THSD7A: variants seen among roughly 807,000 people sequenced by gnomAD.
THSD7A encodes thrombospondin type 1 domain containing 7A.
A neutral mutation model predicts 231.3 loss-of-function variants in THSD7A; 96 were observed. The observed-to-expected ratio is 0.41, with a 90% CI of 0.35 to 0.49. The LOEUF is 0.49. Among genes scored for constraint, THSD7A ranks in the 20% least tolerant of loss-of-function variants. The probability of loss-of-function intolerance (pLI) is 0.05; values close to 1 mark genes in which losing one functional copy is unlikely to be tolerated. For synonymous variants in THSD7A, 940 were observed against 743.3 expected (o/e 1.26, Z -4.30); for missense variants, 2,290 against 2,070.2 (o/e 1.11, Z -2.06).
intron 4 of THSD7A, among the ~76,000 whole-genome samples, chr7:11,549,426 G>A (rs1789533171): frequency 6.6e-6 from 1 of 152,038 alleles, no homozygotes; most frequent in African/African-American, 2.4e-5. Flanking sequence ...TCCCTTTACT[G>A]GGTATATACC....
chr7:11,763,144 C>T (rs372255006), intron 1 of THSD7A, among the ~76,000 whole-genome samples: 1 of 152,104 alleles, frequency 6.6e-6, no homozygotes, highest in Non-Finnish European at 1.5e-5. Flanking sequence ...AAGGCCATTC[C>T]AAATTGTTTT....
At chr7:11,789,306 A>G (rs1783880379) in intron 1 of THSD7A, among the ~76,000 whole-genome samples, 1 of 151,980 alleles carries the variant, frequency 6.6e-6, no homozygotes. Context: ...TTATGCTTTT[A>G]TTATGCTTTT....
At chr7:11,606,241 C>G (rs1780728242) in intron 2 of THSD7A, among the ~76,000 whole-genome samples, 1 of 152,130 alleles carries the variant, frequency 6.6e-6, no homozygotes, top group Admixed American at 6.6e-5. Flanking sequence ...TTGAATTCTA[C>G]TTTGAGTGGC....
intron 1 of THSD7A, among the ~76,000 whole-genome samples, chr7:11,816,437 T>C (rs1320485486): frequency 2.0e-5 from 3 of 152,224 alleles, no homozygotes; most frequent in Non-Finnish European, 4.4e-5. Flanking sequence ...TATTCACAAG[T>C]AATGTTTTAG....
At chr7:11,748,596 T>G (rs1312046086) in intron 1 of THSD7A, among the ~76,000 whole-genome samples, 1 of 151,912 alleles carries the variant, frequency 6.6e-6, no homozygotes, top group Admixed American at 6.6e-5. Flanking sequence ...AGAGACATCA[T>G]GAAAAGTCAC....
chr7:11,545,232 A>G (rs1789329667), intron 4 of THSD7A, among the ~76,000 whole-genome samples: 1 of 152,070 alleles, frequency 6.6e-6, no homozygotes, highest in Non-Finnish European at 1.5e-5. Context: ...AGACCTTAAA[A>G]TCTCCATTTT....
chr7:11,807,685 G>A (rs1040586625), intron 1 of THSD7A, among the ~76,000 whole-genome samples: 10 of 152,048 alleles, frequency 6.6e-5, no homozygotes, highest in African/African-American at 2.4e-4. Flanking sequence ...TGAAATTAAT[G>A]CAGTATACTT....
At chr7:11,519,965 G>A (rs1195343364) in intron 6 of THSD7A, 1 of 152,020 alleles carries the variant, frequency 6.6e-6, no homozygotes, top group African/African-American at 2.4e-5. Context: ...CAGAATGCAT[G>A]TGCTCCTCTT....
intron 1 of THSD7A, among the ~76,000 whole-genome samples, chr7:11,656,348 A>C (rs546318633): frequency 6.6e-6 from 1 of 151,872 alleles, no homozygotes; most frequent in Non-Finnish European, 1.5e-5. Context: ...AATCAGTTCC[A>C]GTGCTAAAAA....
At chr7:11,713,297 A>G (rs548775624) in intron 1 of THSD7A, among the ~76,000 whole-genome samples, 51 of 151,392 alleles carry the variant, frequency 3.4e-4, no homozygotes, top group African/African-American at 1.2e-3. Flanking sequence ...AATAAAAGCT[A>G]ATTTCACTTT....
At chr7:11,650,314 A>G (rs1400989260) in intron 1 of THSD7A, among the ~76,000 whole-genome samples, 3 of 152,038 alleles carry the variant, frequency 2.0e-5, no homozygotes, top group Admixed American at 1.3e-4. Flanking sequence ...CATCTTCTGA[A>G]TCTTTGATGC....
chr7:11,531,165 T>C (rs1466380004), intron 6 of THSD7A, among the ~76,000 whole-genome samples: 2 of 152,184 alleles, frequency 1.3e-5, no homozygotes, highest in African/African-American at 4.8e-5. Context: ...GCTCTAGTTT[T>C]CCTCAACTAG....
intron 2 of THSD7A, among the ~76,000 whole-genome samples, chr7:11,619,709 A>G (rs1467021226): frequency 6.6e-6 from 1 of 152,130 alleles, no homozygotes; most frequent in African/African-American, 2.4e-5. Flanking sequence ...GGCATAAACC[A>G]CTGCAACCCG....
intron 1 of THSD7A, among the ~76,000 whole-genome samples, chr7:11,730,707 A>G (rs906603684): frequency 4.6e-5 from 7 of 151,610 alleles, no homozygotes; most frequent in Non-Finnish European, 8.9e-5. Context: ...TCATTGAATC[A>G]ATGCTCTATT....
chr7:11,694,275 C>A (rs767304812), intron 1 of THSD7A, among the ~76,000 whole-genome samples: 5 of 151,484 alleles, frequency 3.3e-5, no homozygotes, highest in African/African-American at 9.7e-5. Context: ...ACATTAGAAG[C>A]AAGGGTGAAA....
intron 6 of THSD7A, among the ~76,000 whole-genome samples, chr7:11,531,957 A>G (rs1788727606): frequency 6.6e-6 from 1 of 152,182 alleles, no homozygotes; most frequent in South Asian, 2.1e-4. Context: ...AGTCTATTCC[A>G]CTATTCCTTG....
chr7:11,810,204 C>T (rs554218027), intron 1 of THSD7A, among the ~76,000 whole-genome samples: 21 of 152,262 alleles, frequency 1.4e-4, no homozygotes, highest in Middle Eastern at 3.4e-3. Flanking sequence ...AGCTGTCCTA[C>T]GGTTTCATGG....
intron 2 of THSD7A, among the ~76,000 whole-genome samples, chr7:11,615,413 T>C (rs1289240465): frequency 6.6e-6 from 1 of 152,206 alleles, no homozygotes; most frequent in Non-Finnish European, 1.5e-5. Context: ...TCTGGCTAAG[T>C]GGCATCCACA....
chr7:11,703,996 T>C (rs1391724278), intron 1 of THSD7A, among the ~76,000 whole-genome samples: 1 of 151,216 alleles, frequency 6.6e-6, no homozygotes, highest in Non-Finnish European at 1.5e-5. Flanking sequence ...GGTTTCAGAA[T>C]ACATTAGATT....
Sources: gnomAD v4.1 joint callset for allele counts (sites outside exome capture counted in the v4.1 genomes callset) on GRCh38, gnomAD v4.1.1 for gene constraint, MANE v1.5 for transcripts, NCBI Gene and HGNC (gene_info 2026-07-23, HGNC 2026-07-21) for gene names.